The following MATN2 variants were observed in gnomAD, a reference collection of about 807,000 sequenced individuals.
MATN2 encodes matrilin-2.
Under a neutral mutation model 103.2 loss-of-function variants are expected in MATN2, and 69 were observed. The ratio of observed to expected loss-of-function variants is 0.67; its 90% confidence interval spans 0.55 to 0.82. MATN2 has a LOEUF of 0.82. Ranked by LOEUF, MATN2 falls within the 40% of genes least tolerant of loss-of-function variation. MATN2 has a pLI of 0.00. For synonymous variants in MATN2, 429 were observed against 450.2 expected (o/e 0.95, Z 0.60); for missense variants, 1,023 against 1,211.5 (o/e 0.84, Z 2.31).
chr8:98,009,735 G>A (rs180678069), intron 10 of MATN2, among the ~76,000 whole-genome samples: 1 of 152,294 alleles, frequency 6.6e-6, no homozygotes, highest in East Asian at 1.9e-4. Flanking sequence ...CAGGGTGTGG[G>A]GGGTCGGGGA....
chr8:97,881,173 A>C (rs1255323530), intron 1 of MATN2, among the ~76,000 whole-genome samples: 1 of 152,164 alleles, frequency 6.6e-6, no homozygotes, highest in Non-Finnish European at 1.5e-5. Context: ...TTACCACTGG[A>C]GAGGGGATCT....
At chr8:97,894,360 T>C (rs1818735197) in intron 2 of MATN2, among the ~76,000 whole-genome samples, 1 of 144,354 alleles carries the variant, frequency 6.9e-6, no homozygotes, top group East Asian at 2.1e-4. Context: ...GACAGGATCT[T>C]ATTCTGTTGC....
intron 6 of MATN2, among the ~76,000 whole-genome samples, chr8:97,983,665 G>A (rs991820539): frequency 1.3e-5 from 2 of 152,118 alleles, no homozygotes; most frequent in Non-Finnish European, 2.9e-5. Context: ...TATTATTTTC[G>A]TGCTTGGAGG....
intron 1 of MATN2, among the ~76,000 whole-genome samples, chr8:97,881,913 C>CA (rs1554597815): frequency 4.6e-4 from 39 of 84,110 alleles, no homozygotes; most frequent in Admixed American, 1.1e-3. Flanking sequence ...TATTACTTAT[C>CA]TTTTTTTTTT....
At chr8:97,944,250 C>T (rs766741786) in intron 4 of MATN2, among the ~76,000 whole-genome samples, 1 of 152,206 alleles carries the variant, frequency 6.6e-6, no homozygotes, top group Non-Finnish European at 1.5e-5. Context: ...AATGAACCGA[C>T]GAATGACTGC....
At chr8:97,888,362 C>A in intron 2 of MATN2, 120 bp downstream of exon 2, 2 of 1,218,186 alleles carry the variant, frequency 1.6e-6, no homozygotes, top group Non-Finnish European at 2.1e-6. Context: ...GTTGGATGTG[C>A]TGGGCCTGGG....
rs1159095020 is a variant in MATN2, at chr8:97,930,993, C to T, written c.183C>T (p.Ile61=). Residue 61 remains isoleucine (I), a synonymous_variant, in exon 3 of 19, where the codon ATC becomes ATT. Transcript: ENST00000254898. ...ACAAGCGGGCAGACCTGGTTTTCAT[C>T]ATTGACAGCTCTCGCAGTGTCAACA... ...CENKRADLVF[I]IDSSRSVNTH... 1.9e-6 allele frequency: 3 copies of T among 1,613,208 alleles called. No homozygotes were observed. The highest frequency in any genetic ancestry group is 2.5e-6 in the Non-Finnish European group (3 of 1,179,496).
intron 7 of MATN2, among the ~76,000 whole-genome samples, chr8:97,994,934 G>A (rs1047522305): frequency 1.3e-5 from 2 of 152,120 alleles, no homozygotes; most frequent in African/African-American, 2.4e-5. Context: ...AGAGATGAGA[G>A]GTAGAAGGAG....
At position 97,930,990 on chromosome 8, in the gene MATN2, C is replaced by T; in HGVS notation, c.180C>T (p.Phe60=). The T allele has an allele frequency of 6.2e-7, 1 of 1,613,260 alleles. No individual in the cohort carries two copies. The highest frequency in any genetic ancestry group is 8.5e-7 in the Non-Finnish European group (1 of 1,179,450). The part of the protein sequence containing the change: ...SCENKRADLV[F]IIDSSRSVNT... ...AGAACAAGCGGGCAGACCTGGTTTT[C>T]ATCATTGACAGCTCTCGCAGTGTCA... Residue 60 remains phenylalanine (F), a synonymous_variant, in exon 3 of 19, where the codon TTC becomes TTT. Transcript: ENST00000254898.
In MATN2 at chr8:97,965,671, C is replaced by T. The variant is rs529601266; in HGVS notation, c.958+4141C>T. Among the ~76,000 whole-genome samples the T allele has an allele frequency of 4.8e-4, 73 of 151,886 alleles. 1 individual carries two copies. In the South Asian group the frequency reaches 0.014, roughly 30 times the overall value. ...CAACATAGTGAGACCCCCATCTCTACCAAAAAATAAAAAAATTAGTTGGAC... is the reference window on the plus strand; with the variant it reads ...CAACATAGTGAGACCCCCATCTCTATCAAAAAATAAAAAAATTAGTTGGAC... On this transcript the variant is annotated intron_variant, in intron 5 of 18. Coordinates refer to ENST00000254898, the MANE Select transcript of MATN2 (RefSeq NM_002380.5).
chr8:98,012,226 G>C (rs924003346), intron 10 of MATN2, among the ~76,000 whole-genome samples: 1 of 151,968 alleles, frequency 6.6e-6, no homozygotes, highest in Non-Finnish European at 1.5e-5. Context: ...GGGTGCTGGG[G>C]ATCTCTGGGG....
At chr8:97,871,086 C>A (rs1301990891) in intron 1 of MATN2, among the ~76,000 whole-genome samples, 2 of 152,200 alleles carry the variant, frequency 1.3e-5, no homozygotes, top group Admixed American at 6.5e-5. Flanking sequence ...GAGTCCAAAT[C>A]TGAAACACCC....
Position 98,033,087 on chromosome 8 carries a change from C to G in MATN2, c.2627C>G (p.Ser876Cys). The change falls in exon 17 of 19, where the codon TCT (serine) becomes TGT (cysteine). Residue 876 changes from serine (S) to cysteine (C), a missense_variant. Transcript: ENST00000254898. ...TINIQDLLSC[S>C]NFAVQHRYLF... ...AATATCCAAGACCTACTTTCCTGTT[C>G]TAATTTTGCAGTGCAACACAGATAT... 1 of 1,611,950 alleles carries G rather than the reference C, an allele frequency of 6.2e-7. No homozygotes were observed. Among genetic ancestry groups the G allele is most frequent in the Non-Finnish European group, 8.5e-7 (1 of 1,178,974 alleles).
chr8:97,928,052 T>TGAAG (rs1810050327), intron 2 of MATN2, among the ~76,000 whole-genome samples: 1 of 152,040 alleles, frequency 6.6e-6, no homozygotes, highest in African/African-American at 2.4e-5. Flanking sequence ...AGTTCAGACA[T>TGAAG]GAAGGGTCGG....
intron 3 of MATN2, among the ~76,000 whole-genome samples, chr8:97,936,030 G>A (rs1810359853): frequency 6.6e-6 from 1 of 152,158 alleles, no homozygotes; most frequent in South Asian, 2.1e-4. Flanking sequence ...CTTGCAGGCA[G>A]GGACTTCCCA....
At chr8:97,908,730 C>T (rs1819263841) in intron 2 of MATN2, among the ~76,000 whole-genome samples, 2 of 152,200 alleles carry the variant, frequency 1.3e-5, no homozygotes, top group South Asian at 4.2e-4. Context: ...CTCCTGGTTT[C>T]AAGTGATTTT....
rs753583916 is a variant in MATN2 at position 97,986,413 on chromosome 8, A to G, written c.1081+7405A>G. Among the ~76,000 whole-genome samples, 64 of 152,234 alleles carry G rather than the reference A, an allele frequency of 4.2e-4. 1 individual carries two copies. Among genetic ancestry groups the G allele is most frequent in the Non-Finnish European group, 9.0e-4 (61 of 68,040 alleles). On this transcript the variant is annotated intron_variant, in intron 6 of 18. Transcript: ENST00000254898. ...CAACCATCACCTGAGCAGGATACATAGTACCCAATGTGTAGTCTTTTATCC... is the reference window on the plus strand; with the variant it reads ...CAACCATCACCTGAGCAGGATACATGGTACCCAATGTGTAGTCTTTTATCC...
intron 1 of MATN2, among the ~76,000 whole-genome samples, chr8:97,875,232 G>A (rs1336472300): frequency 6.6e-6 from 1 of 152,068 alleles, no homozygotes; most frequent in African/African-American, 2.4e-5. Flanking sequence ...AATAGTGTCC[G>A]CCTGGGCTGC....
At chr8:97,918,563 G>C (rs1357593680) in intron 2 of MATN2, among the ~76,000 whole-genome samples, 1 of 152,210 alleles carries the variant, frequency 6.6e-6, no homozygotes, top group Non-Finnish European at 1.5e-5. Flanking sequence ...TTGAACTCCG[G>C]TAGGTGCAGC....
Sources: allele counts gnomAD v4.1 joint callset (sites outside exome capture counted in the v4.1 genomes callset), GRCh38; gene constraint gnomAD v4.1.1; transcripts MANE v1.5; gene names NCBI Gene and HGNC (gene_info 2026-07-23, HGNC 2026-07-21).